The following DMD variants were observed in gnomAD, a reference collection of about 807,000 sequenced individuals.
DMD encodes dystrophin.
In DMD, 63 loss-of-function variants were observed where a neutral mutation model predicts 330.1. That is an observed-to-expected ratio of 0.19 (90% confidence interval 0.16 to 0.24). The LOEUF is 0.24. Ranked by LOEUF, DMD falls within the 10% of genes least tolerant of loss-of-function variation. The pLI is 1.00. For missense variants in DMD, 3,344 were observed against 2,684.1 expected (o/e 1.25, Z -5.43); for synonymous variants, 1,223 against 959.8 (o/e 1.27, Z -5.07).
intron 2 of DMD, among the ~76,000 whole-genome samples, chrX:32,870,382 C>T (rs912155290): frequency 9.0e-6 from 1 of 111,585 alleles, no homozygotes; most frequent in African/African-American, 3.3e-5. Context: ...ATGCTATTCC[C>T]ATTTATCTAC....
rs868069477 is a variant in DMD at position 31,721,728 on chromosome X, A to C, written c.7660+7903T>G. The stretch of plus-strand genomic sequence containing the variant: ...TCTCTCTCTCTCTCTCTATATATAT[A>C]TATATATATATATATATCTCCTAAT... On this transcript the variant is annotated intron_variant, in intron 52 of 78. Transcript: ENST00000357033. Among the ~76,000 whole-genome samples, 601 of 65,154 alleles carry C rather than the reference A, an allele frequency of 9.2e-3. 1 individual carries two copies. The highest frequency in any genetic ancestry group is 0.011 in the Non-Finnish European group (444 of 38,614). 56.6% of individuals were successfully genotyped at this position (65,154 alleles called of 115,157 possible). A position where few individuals can be genotyped will look rare whatever the true frequency, so the allele number is the denominator to read the frequency against.
chrX:32,421,437 G>GA (rs60881150), intron 29 of DMD, among the ~76,000 whole-genome samples: 16,243 of 111,142 alleles, frequency 0.15, 997 homozygotes, highest in African/African-American at 0.2. Flanking sequence ...ATGGTGTATG[G>GA]AACAGCTGCT....
chrX:32,316,782 G>T (rs1436035535), intron 41 of DMD, among the ~76,000 whole-genome samples: 1 of 110,583 alleles, frequency 9.0e-6, no homozygotes, highest in Non-Finnish European at 1.9e-5. Context: ...AATCAAAAGA[G>T]AACCAGACAT....
intron 45 of DMD, among the ~76,000 whole-genome samples, chrX:31,952,129 C>T (rs763381562): frequency 3.0e-4 from 33 of 110,747 alleles, no homozygotes; most frequent in African/African-American, 1.0e-3. Flanking sequence ...TAAAGACTTT[C>T]CCATTTGTCT....
intron 26 of DMD, among the ~76,000 whole-genome samples, chrX:32,449,469 C>T (rs867690630): frequency 9.1e-6 from 1 of 110,103 alleles, no homozygotes; most frequent in African/African-American, 3.3e-5. Context: ...TTCTCTCCTT[C>T]TGGACAAGAT....
intron 52 of DMD, among the ~76,000 whole-genome samples, chrX:31,683,633 G>C (rs946981675): frequency 8.9e-6 from 1 of 111,812 alleles, no homozygotes; most frequent in African/African-American, 3.3e-5. Context: ...ACACCGGGCT[G>C]GGAATGGACT....
intron 42 of DMD, among the ~76,000 whole-genome samples, chrX:32,307,544 T>A (rs2097545173): frequency 9.0e-6 from 1 of 111,502 alleles, no homozygotes; most frequent in African/African-American, 3.3e-5. Flanking sequence ...ATGGGTGACA[T>A]CCCAAGAGTG....
At chrX:32,465,868 G>A (rs1382123933) in intron 23 of DMD, among the ~76,000 whole-genome samples, 1 of 111,197 alleles carries the variant, frequency 9.0e-6, no homozygotes, top group Non-Finnish European at 1.9e-5. Flanking sequence ...ATAGGCATGA[G>A]CCACTACGCC....
At chrX:33,180,454 C>A (rs973814977) in intron 1 of DMD, among the ~76,000 whole-genome samples, 7 of 111,770 alleles carry the variant, frequency 6.3e-5, no homozygotes, top group African/African-American at 2.3e-4. Context: ...CATGCACACA[C>A]ATACACACAG....
At chrX:31,393,476 CAA>C (rs371796978) in intron 60 of DMD, among the ~76,000 whole-genome samples, 1 of 28,095 alleles carries the variant, frequency 3.6e-5, no homozygotes, top group Non-Finnish European at 7.5e-5. Flanking sequence ...GACTCCATCT[CAA>C]AAAAAAAAAA....
chrX:32,681,908 T>C (rs1287709548), intron 9 of DMD, among the ~76,000 whole-genome samples: 16 of 111,329 alleles, frequency 1.4e-4, no homozygotes, highest in African/African-American at 3.3e-5. Flanking sequence ...AAGTGCGCCA[T>C]ATGAATAACT....
chrX:31,773,876 A>G, intron 51 of DMD, 84 bp downstream of exon 51: 2 of 841,614 alleles, frequency 2.4e-6, no homozygotes, highest in Middle Eastern at 3.0e-4. Flanking sequence ...CTGGTGGGAA[A>G]TGGTCTAGGA....
Position 32,963,983 on chromosome X carries a change from G to A in DMD, c.93+56156C>T, listed in dbSNP as rs1018620863. Among the ~76,000 whole-genome samples the A allele has an allele frequency of 7.2e-5, 8 of 111,028 alleles. No individual in the cohort carries two copies. In the East Asian group the frequency reaches 8.5e-4, roughly 12 times the overall value. On this transcript the variant is annotated intron_variant, in intron 2 of 78. Coordinates refer to ENST00000357033, the MANE Select transcript of DMD (RefSeq NM_004006.3). ...AAAATATTCACTGGTGGTCGGGTGCGGTGGCTCACGCCTGTAATCCCAGCA... is the reference window on the plus strand; with the variant it reads ...AAAATATTCACTGGTGGTCGGGTGCAGTGGCTCACGCCTGTAATCCCAGCA...
In DMD at chrX:32,216,793, AATG is replaced by A. The variant is rs202027439; in HGVS notation, c.6438+120_6438+122del. 5.6e-3 allele frequency: 3,419 copies of A among 613,663 alleles called. 73 individuals carry two copies. The African/African-American group carries it at 0.067, about 12-fold the overall frequency. 50.6% of individuals were successfully genotyped at this position (613,663 alleles called of 1,213,427 possible). ...ATGATAATTTTCTTTCTAGTAATATAATGATGACAACAACAGTCAAAAGTAATT... is the reference window on the plus strand; with the variant it reads ...ATGATAATTTTCTTTCTAGTAATATAATGACAACAACAGTCAAAAGTAATT... On this transcript the variant is annotated intron_variant, in intron 44 of 78. Coordinates refer to ENST00000357033, the MANE Select transcript of DMD (RefSeq NM_004006.3).
At chrX:31,645,023 T>A (rs905333298) in intron 54 of DMD, among the ~76,000 whole-genome samples, 1 of 111,720 alleles carries the variant, frequency 9.0e-6, no homozygotes, top group Non-Finnish European at 1.9e-5. Flanking sequence ...GGGAAAAAAA[T>A]CCTCAAAATT....
intron 37 of DMD, among the ~76,000 whole-genome samples, chrX:32,354,609 A>G (rs191473357): frequency 1.8e-5 from 2 of 111,934 alleles, no homozygotes; most frequent in Admixed American, 1.9e-4. Context: ...AGAAAATGTA[A>G]GAAATATTAT....
chrX:32,363,560 T>C (rs2097844627), intron 36 of DMD, among the ~76,000 whole-genome samples: 1 of 112,121 alleles, frequency 8.9e-6, no homozygotes, highest in Admixed American at 9.5e-5. Flanking sequence ...TCAGACCCTA[T>C]TATTCAAAAA....
chrX:32,129,706 G>GGA (rs142495423), intron 44 of DMD, among the ~76,000 whole-genome samples: 2 of 83,814 alleles, frequency 2.4e-5, no homozygotes, highest in Admixed American at 1.4e-4. Flanking sequence ...ATATAGATAT[G>GGA]GAGAGAGAGA....
chrX:32,301,656 G>A (rs2097524276), intron 42 of DMD, among the ~76,000 whole-genome samples: 1 of 110,366 alleles, frequency 9.1e-6, no homozygotes, highest in Admixed American at 9.7e-5. Context: ...AAATGGCAAA[G>A]GAAAGACAAC....
Sources: gnomAD v4.1 joint callset for allele counts (sites outside exome capture counted in the v4.1 genomes callset) on GRCh38, gnomAD v4.1.1 for gene constraint, MANE v1.5 for transcripts, NCBI Gene and HGNC (gene_info 2026-07-23, HGNC 2026-07-21) for gene names.